The following ZNF883 variants were observed in gnomAD, a reference collection of about 807,000 sequenced individuals.
ZNF883 encodes the protein zinc finger protein 883.
chr9:112,990,992 C>G (rs1228599468), intron 1 of ZNF883, among the ~76,000 whole-genome samples: 2 of 151,596 alleles, frequency 1.3e-5, no homozygotes, highest in African/African-American at 4.8e-5. Context: ...CTATTTGATT[C>G]TTCTCTCTTT....
chr9:113,005,216 A>G (rs1022178657), intron 2 of ZNF883, among the ~76,000 whole-genome samples: 52 of 152,260 alleles, frequency 3.4e-4, no homozygotes, highest in African/African-American at 1.2e-3. Context: ...TACAAACAGA[A>G]GGCAATCAAC....
chr9:112,994,396 C>G (rs1206106229), downstream of ZNF883, among the ~76,000 whole-genome samples: 1 of 152,002 alleles, frequency 6.6e-6, no homozygotes, highest in African/African-American at 2.4e-5. Flanking sequence ...CTGGATACCT[C>G]AGTCACCAGT....
At chr9:113,006,274 AC>A (rs1278273253) in intron 2 of ZNF883, among the ~76,000 whole-genome samples, 2 of 152,106 alleles carry the variant, frequency 1.3e-5, no homozygotes, top group African/African-American at 4.8e-5. Flanking sequence ...TATGGTTTGG[AC>A]AGGGAAACCC....
chr9:112,995,133 T>C (rs574579787), downstream of ZNF883, among the ~76,000 whole-genome samples: 6 of 152,340 alleles, frequency 3.9e-5, no homozygotes, highest in Admixed American at 1.3e-4. Context: ...TTTGAACCAG[T>C]AGACTAAGTA....
upstream of ZNF883, among the ~76,000 whole-genome samples, chr9:113,000,479 T>C (rs147523626): frequency 2.0e-4 from 31 of 152,160 alleles, no homozygotes; most frequent in African/African-American, 7.0e-4. Flanking sequence ...AGAACAATGG[T>C]CAAACTTAGC....
upstream of ZNF883, among the ~76,000 whole-genome samples, chr9:113,002,816 G>C (rs1219519222): frequency 6.6e-6 from 1 of 152,144 alleles, no homozygotes; most frequent in Non-Finnish European, 1.5e-5. Flanking sequence ...CATGAGTGTA[G>C]AGCCTTCATG....
exon 1 of ZNF883, chr9:112,997,215 AG>A: frequency 6.2e-7 from 1 of 1,613,962 alleles, no homozygotes; most frequent in Non-Finnish European, 8.5e-7. Context: ...GTACATTGAT[AG>A]GGTCTCTCCC....
chr9:113,004,842 C>G (rs915115903), intron 2 of ZNF883, among the ~76,000 whole-genome samples: 1 of 150,294 alleles, frequency 6.7e-6, no homozygotes, highest in African/African-American at 2.5e-5. Context: ...AATTTTAAAA[C>G]AGGGTGGTAG....
At chr9:112,991,376 C>T (rs1432693186) in intron 1 of ZNF883, among the ~76,000 whole-genome samples, 1 of 151,800 alleles carries the variant, frequency 6.6e-6, no homozygotes, top group Non-Finnish European at 1.5e-5. Context: ...TGTTCAATTT[C>T]CATGTAGTTG....
intron 2 of ZNF883, among the ~76,000 whole-genome samples, chr9:113,008,350 G>A (rs1038576490): frequency 6.6e-6 from 1 of 152,126 alleles, no homozygotes; most frequent in Admixed American, 6.5e-5. Context: ...AACATTCTAA[G>A]TAATGAAACT....
In ZNF883 at chr9:113,010,756, G is replaced by A. The variant is rs191601978; in HGVS notation, n.165+385C>T. Reference sequence around the variant, plus strand: ...TAATCCCAGCACTTTGGGAGGCTGAGGTGGGCAGATCACGAGGTCAGGAGT... The same window carrying A: ...TAATCCCAGCACTTTGGGAGGCTGAAGTGGGCAGATCACGAGGTCAGGAGT... On this transcript the variant is annotated intron_variant and non_coding_transcript_variant, in intron 2 of 4. Coordinates refer to the ZNF883 transcript ENST00000638622. Among the ~76,000 whole-genome samples the A allele has an allele frequency of 2.9e-3, 438 of 152,252 alleles. 7 individuals carry two copies. The highest frequency in any genetic ancestry group is 0.026 in the Admixed American group (399 of 15,290).
At chr9:113,001,821 T>C (rs553756348), upstream of ZNF883, among the ~76,000 whole-genome samples, 1 of 152,350 alleles carries the variant, frequency 6.6e-6, no homozygotes, top group African/African-American at 2.4e-5. Flanking sequence ...GAAATGTTGA[T>C]ACTTCTAAGG....
intron 2 of ZNF883, among the ~76,000 whole-genome samples, chr9:113,006,733 TAATACCCA>T (rs976025960): frequency 1.3e-5 from 2 of 152,180 alleles, no homozygotes; most frequent in African/African-American, 4.8e-5. Flanking sequence ...GGTACCTATC[TAATACCCA>T]AATACCATCT....
chr9:113,000,705 A>G (rs911819126), upstream of ZNF883, among the ~76,000 whole-genome samples: 1 of 152,148 alleles, frequency 6.6e-6, no homozygotes, highest in Admixed American at 6.5e-5. Context: ...GAGGCTACCC[A>G]GGGCAAGTTG....
exon 1 of ZNF883, chr9:112,997,623 C>T: frequency 1.9e-6 from 3 of 1,613,766 alleles, no homozygotes. Context: ...TTCCCACATT[C>T]ATTACATTCA....
At chr9:113,007,718 C>T (rs1828492191) in intron 2 of ZNF883, among the ~76,000 whole-genome samples, 1 of 152,142 alleles carries the variant, frequency 6.6e-6, no homozygotes, top group Admixed American at 6.5e-5. Context: ...AATGTCAGTG[C>T]ATTTGAGTTA....
At chr9:112,997,426 T>C (rs748549476) in exon 1 of ZNF883, 1 of 1,614,074 alleles carries the variant, frequency 6.2e-7, no homozygotes, top group Non-Finnish European at 8.5e-7. Context: ...CAGTAAGGTG[T>C]GTACTTCGAC....
intron 2 of ZNF883, among the ~76,000 whole-genome samples, chr9:113,007,720 T>C (rs190180384): frequency 1.3e-5 from 2 of 152,294 alleles, no homozygotes; most frequent in African/African-American, 4.8e-5. Flanking sequence ...TGTCAGTGCA[T>C]TTGAGTTAGA....
At chr9:113,010,727 C>T (rs1470215527) in intron 2 of ZNF883, among the ~76,000 whole-genome samples, 1 of 152,108 alleles carries the variant, frequency 6.6e-6, no homozygotes, top group Non-Finnish European at 1.5e-5. Context: ...GTGACTCACA[C>T]CTGTAATCCC....
Sources: allele counts gnomAD v4.1 joint callset (sites outside exome capture counted in the v4.1 genomes callset), GRCh38; gene constraint gnomAD v4.1.1; transcripts MANE v1.5; gene names NCBI Gene and HGNC (gene_info 2026-07-23, HGNC 2026-07-21).